The following TEAD4 variants were observed in gnomAD, a reference collection of about 807,000 sequenced individuals.
TEAD4 encodes the protein transcriptional enhancer factor TEF-3.
A neutral mutation model predicts 52.4 loss-of-function variants in TEAD4; 36 were observed. The ratio of observed to expected loss-of-function variants is 0.69; its 90% CI spans 0.53 to 0.91. The LOEUF is 0.91. Ranked by LOEUF, TEAD4 falls within the 40% of genes least tolerant of loss-of-function variation. TEAD4 has a pLI of 0.00. For missense variants in TEAD4, 508 were observed against 583.9 expected (o/e 0.87, Z 1.34); for synonymous variants, 220 against 231.0 (o/e 0.95, Z 0.43).
intron 2 of TEAD4, among the ~76,000 whole-genome samples, chr12:2,991,278 A>C (rs2098242743): frequency 6.6e-6 from 1 of 152,242 alleles, no homozygotes; most frequent in Non-Finnish European, 1.5e-5. Flanking sequence ...AGCTTTGCTC[A>C]GTCGTTTCTA....
chr12:3,001,413 CT>C (rs1339967763), intron 3 of TEAD4, among the ~76,000 whole-genome samples: 1 of 152,198 alleles, frequency 6.6e-6, no homozygotes, highest in Admixed American at 6.5e-5. Flanking sequence ...CCCTCTGCCC[CT>C]ATAGCCGCTG....
chr12:2,993,012 C>T (rs562880838), intron 2 of TEAD4, among the ~76,000 whole-genome samples: 1 of 152,208 alleles, frequency 6.6e-6, no homozygotes, highest in East Asian at 1.9e-4. Flanking sequence ...TGAGGAGCTG[C>T]CAAGACTGTT....
At chr12:2,962,844 G>T (rs2098216906) in intron 2 of TEAD4, among the ~76,000 whole-genome samples, 1 of 152,192 alleles carries the variant, frequency 6.6e-6, no homozygotes, top group Non-Finnish European at 1.5e-5. Flanking sequence ...ACCCTGGTGA[G>T]TGGCAGAGCA....
intron 2 of TEAD4, among the ~76,000 whole-genome samples, chr12:2,988,334 G>A (rs2153954766): frequency 6.6e-6 from 1 of 151,922 alleles, no homozygotes; most frequent in South Asian, 2.1e-4. Flanking sequence ...CCAACATGGC[G>A]AAACCCCGTC....
chr12:3,033,118 G>A (rs1381888998), intron 10 of TEAD4, among the ~76,000 whole-genome samples: 2 of 152,178 alleles, frequency 1.3e-5, no homozygotes, highest in African/African-American at 4.8e-5. Context: ...CTGAATGTGT[G>A]TGCTGGAGAG....
chr12:3,010,358 G>A (rs1236604283), intron 3 of TEAD4, among the ~76,000 whole-genome samples: 1 of 152,248 alleles, frequency 6.6e-6, no homozygotes, highest in Non-Finnish European at 1.5e-5. Context: ...AGTCCCTCGG[G>A]GGCTGGGCCC....
intron 5 of TEAD4, among the ~76,000 whole-genome samples, chr12:3,013,476 C>T (rs527691171): frequency 4.6e-5 from 7 of 152,068 alleles, no homozygotes; most frequent in South Asian, 2.1e-4. Context: ...CGGTGGCTCA[C>T]GCCTGTAAGC....
rs536576414 is a variant in TEAD4 at position 3,013,552 on chromosome 12, G to C, written c.354+1320G>C. 7.2e-4 allele frequency among the ~76,000 whole-genome samples: 110 copies of C among 152,262 alleles called. 2 individuals are homozygous for C. The highest frequency in any genetic ancestry group is 2.6e-3 in the African/African-American group (108 of 41,542). On this transcript the variant is annotated intron_variant, in intron 5 of 12. Transcript: ENST00000359864. Reference sequence around the variant, plus strand: ...AGTTCAAGACCAGCCTGGCCAACATGGTGAAACCCTGTCTCTACTAAAAAT... The same window carrying C: ...AGTTCAAGACCAGCCTGGCCAACATCGTGAAACCCTGTCTCTACTAAAAAT...
At chr12:3,002,685 T>A (rs2153955973) in intron 3 of TEAD4, among the ~76,000 whole-genome samples, 1 of 152,306 alleles carries the variant, frequency 6.6e-6, no homozygotes, top group Middle Eastern at 3.4e-3. Flanking sequence ...ACACAGTAGG[T>A]GCCAAATGCA....
intron 10 of TEAD4, among the ~76,000 whole-genome samples, chr12:3,025,207 G>A (rs1327220884): frequency 1.3e-5 from 2 of 152,186 alleles, no homozygotes; most frequent in African/African-American, 4.8e-5. Context: ...GCCTCCCAGT[G>A]CTGGGATTAC....
At chr12:2,992,850 C>A (rs900737095) in intron 2 of TEAD4, among the ~76,000 whole-genome samples, 3 of 152,140 alleles carry the variant, frequency 2.0e-5, no homozygotes, top group Non-Finnish European at 4.4e-5. Context: ...CCTGCTCCTT[C>A]ACAAACCCCT....
chr12:3,011,601 T>C (rs1472212506), intron 4 of TEAD4, among the ~76,000 whole-genome samples: 1 of 152,114 alleles, frequency 6.6e-6, no homozygotes, highest in East Asian at 1.9e-4. Flanking sequence ...CTCTGGAAAG[T>C]CATCAGCCCC....
At chr12:3,015,267 A>G (rs976608365) in intron 5 of TEAD4, among the ~76,000 whole-genome samples, 3 of 152,018 alleles carry the variant, frequency 2.0e-5, no homozygotes, top group South Asian at 2.1e-4. Flanking sequence ...CCCGTGTGCC[A>G]GTCTGGTCCA....
At chr12:3,027,417 C>T (rs950273358) in intron 10 of TEAD4, among the ~76,000 whole-genome samples, 6 of 152,120 alleles carry the variant, frequency 3.9e-5, no homozygotes, top group African/African-American at 1.2e-4. Flanking sequence ...ATGTAATTAA[C>T]TTACCTTACA....
intron 5 of TEAD4, among the ~76,000 whole-genome samples, chr12:3,015,170 C>T (rs28416447): frequency 0.41 from 61,768 of 151,976 alleles, 13,918 homozygotes; most frequent in African/African-American, 0.61. Flanking sequence ...TTGTCCACAT[C>T]GACAATGACC....
intron 9 of TEAD4, 63 bp from the exon 10 acceptor site, chr12:3,021,781 C>T: frequency 6.4e-7 from 1 of 1,568,768 alleles, no homozygotes. Context: ...CACGCAGAGC[C>T]AGGGTTGTCT....
At chr12:2,998,996 C>A (rs1186116197) in intron 3 of TEAD4, among the ~76,000 whole-genome samples, 2 of 152,170 alleles carry the variant, frequency 1.3e-5, no homozygotes, top group East Asian at 3.9e-4. Flanking sequence ...TCCCGGGGGC[C>A]GAGCCAAGGC....
chr12:3,027,859 C>T (rs978036549), intron 10 of TEAD4, among the ~76,000 whole-genome samples: 19 of 152,028 alleles, frequency 1.2e-4, no homozygotes, highest in Non-Finnish European at 2.6e-4. Flanking sequence ...AGAGCAAGAT[C>T]CCATCTCAAA....
chr12:3,033,662 C>A lies in TEAD4; in HGVS notation c.898-4306C>A, dbSNP rs117990018. Among the ~76,000 whole-genome samples the A allele has an allele frequency of 3.8e-3, 586 of 152,318 alleles. 3 individuals carry two copies. The highest frequency in any genetic ancestry group is 5.2e-3 in the Non-Finnish European group (357 of 68,020). On this transcript the variant is annotated intron_variant, in intron 10 of 12. Coordinates refer to ENST00000359864, the MANE Select transcript of TEAD4 (RefSeq NM_003213.4). ...CACACCCGGGCTGCGGCTGTCTCTGCTCATCTGTCAGTCACCCGATCCCCC... is the reference window on the plus strand; with the variant it reads ...CACACCCGGGCTGCGGCTGTCTCTGATCATCTGTCAGTCACCCGATCCCCC...
Sources: gnomAD v4.1 joint callset for allele counts (sites outside exome capture counted in the v4.1 genomes callset) on GRCh38, gnomAD v4.1.1 for gene constraint, MANE v1.5 for transcripts, NCBI Gene and HGNC (gene_info 2026-07-23, HGNC 2026-07-21) for gene names.